ETV6: variants seen among roughly 807,000 people sequenced by gnomAD.
ETV6 encodes the protein ETS variant transcription factor 6.
In ETV6, 16 loss-of-function variants were observed where a neutral mutation model predicts 51.1. The observed-to-expected ratio is 0.31, with a 90% CI of 0.21 to 0.48. The LOEUF is 0.48. Among genes scored for constraint, ETV6 ranks in the 20% least tolerant of loss-of-function variants. ETV6 has a pLI of 0.99. For missense variants in ETV6, 458 were observed against 594.8 expected, an observed-to-expected ratio of 0.77 and a Z score of 2.39; for synonymous variants, 240 against 224.1, an observed-to-expected ratio of 1.07 and a Z score of -0.64.
chr12:11,846,583 A>G (rs1225858797), intron 3 of ETV6, among the ~76,000 whole-genome samples: 4 of 152,214 alleles, frequency 2.6e-5, no homozygotes, highest in African/African-American at 7.2e-5. Flanking sequence ...CAAATAGCCG[A>G]AGGAAACCAT....
intron 2 of ETV6, among the ~76,000 whole-genome samples, chr12:11,827,393 A>C (rs1176935793): frequency 6.6e-6 from 1 of 152,140 alleles, no homozygotes; most frequent in Non-Finnish European, 1.5e-5. Flanking sequence ...GGTGCAGTGG[A>C]ATTCTCCTTA....
intron 2 of ETV6, among the ~76,000 whole-genome samples, chr12:11,824,051 C>T (rs187276620): frequency 2.4e-4 from 37 of 152,256 alleles, no homozygotes; most frequent in Admixed American, 3.9e-4. Context: ...TAGGAGAACC[C>T]GAAGATTGGT....
chr12:11,735,921 G>A (rs1680861899), intron 1 of ETV6, among the ~76,000 whole-genome samples: 1 of 152,220 alleles, frequency 6.6e-6, no homozygotes, highest in Non-Finnish European at 1.5e-5. Context: ...TATTATGCAA[G>A]TTGTATAACA....
In ETV6 at chr12:11,892,210, ATTT is replaced by A. The variant is rs35812814; in HGVS notation, c.*1185_*1187del. ...GTGGTCAGTTTCATGCCCTCACCTG[ATTT>A]TTTTTTTTTTTTTTTTTTTTCAATT... On this transcript the variant is annotated 3_prime_UTR_variant, in exon 8 of 8. Transcript: ENST00000396373. 700 of 152,362 alleles carry A rather than the reference ATTT, an allele frequency of 4.6e-3. No individual in the cohort carries two copies. The highest frequency in any genetic ancestry group is 0.011 in the Middle Eastern group (6 of 524). The allele number at this position is 152,362 out of a possible 1,614,324, so 9.4% of individuals were successfully genotyped here. A position where few individuals can be genotyped will look rare whatever the true frequency, so the allele number is the denominator to read the frequency against.
At chr12:11,784,742 C>G (rs1161516024) in intron 2 of ETV6, among the ~76,000 whole-genome samples, 3 of 152,000 alleles carry the variant, frequency 2.0e-5, no homozygotes, top group East Asian at 3.9e-4. Context: ...GCTCTTGCCT[C>G]GGCTGGAGTG....
intron 1 of ETV6, among the ~76,000 whole-genome samples, chr12:11,673,912 A>G (rs945301866): frequency 2.0e-5 from 3 of 152,248 alleles, no homozygotes; most frequent in African/African-American, 4.8e-5. Flanking sequence ...AACAAAACTC[A>G]GGAATGGAAT....
At chr12:11,861,982 C>T (rs1002153568) in intron 4 of ETV6, among the ~76,000 whole-genome samples, 22 of 152,264 alleles carry the variant, frequency 1.4e-4, no homozygotes, top group African/African-American at 4.3e-4. Context: ...TCTGCAGCCC[C>T]GACTGTGAGG....
chr12:11,891,359 TTTTG>T lies in ETV6; in HGVS notation c.*317_*320del, dbSNP rs1947284659. On this transcript the variant is annotated 3_prime_UTR_variant, in exon 8 of 8. Coordinates refer to ENST00000396373, the MANE Select transcript of ETV6 (RefSeq NM_001987.5). ...TCCACCGTTGTTAGTATCATGGTGTTTTTGTTTTTGTTTTTGTTTTAAGAACCTG... is the reference window on the plus strand; with the variant it reads ...TCCACCGTTGTTAGTATCATGGTGTTTTTTTGTTTTTGTTTTAAGAACCTG... 1 of 345,716 alleles carries T rather than the reference TTTTG, an allele frequency of 2.9e-6. No individual in the cohort carries two copies. Among genetic ancestry groups the T allele is most frequent in the Admixed American group, 4.6e-5 (1 of 21,954 alleles). The allele number at this position is 345,716 out of a possible 1,614,324, so 21.4% of individuals were successfully genotyped here.
chr12:11,714,748 C>T (rs549023499), intron 1 of ETV6, among the ~76,000 whole-genome samples: 115 of 150,484 alleles, frequency 7.6e-4, no homozygotes, highest in African/African-American at 2.7e-3. Context: ...CTGTTTCAGA[C>T]TGAGGGGAGG....
intron 1 of ETV6, among the ~76,000 whole-genome samples, chr12:11,690,280 G>A (rs1008617080): frequency 4.0e-5 from 6 of 151,748 alleles, no homozygotes; most frequent in Non-Finnish European, 4.4e-5. Context: ...CCTTCCTCAC[G>A]TCCTTACAAG....
intron 1 of ETV6, among the ~76,000 whole-genome samples, chr12:11,744,134 A>G (rs1360483386): frequency 1.3e-5 from 2 of 152,176 alleles, no homozygotes; most frequent in Non-Finnish European, 2.9e-5. Context: ...GCAATAGTAC[A>G]TGCCTGGAAG....
chr12:11,862,225 C>G (rs1025865698), intron 4 of ETV6, among the ~76,000 whole-genome samples: 2 of 152,146 alleles, frequency 1.3e-5, no homozygotes, highest in African/African-American at 4.8e-5. Context: ...GTGAATCATC[C>G]ACTCCAAACT....
chr12:11,887,664 C>T (rs1473025760), intron 7 of ETV6, among the ~76,000 whole-genome samples: 1 of 151,340 alleles, frequency 6.6e-6, no homozygotes, highest in Non-Finnish European at 1.5e-5. Flanking sequence ...AGGAGAATCA[C>T]TTGAACCCGG....
At chr12:11,738,773 T>C (rs1184874401) in intron 1 of ETV6, among the ~76,000 whole-genome samples, 3 of 152,302 alleles carry the variant, frequency 2.0e-5, no homozygotes, top group East Asian at 3.9e-4. Flanking sequence ...GACTCATCTT[T>C]CTTCTGAGGG....
At chr12:11,707,956 C>T (rs965227977) in intron 1 of ETV6, among the ~76,000 whole-genome samples, 9 of 152,330 alleles carry the variant, frequency 5.9e-5, no homozygotes, top group African/African-American at 2.2e-4. Context: ...TTAGCAGGAT[C>T]AATTTATAAG....
intron 2 of ETV6, among the ~76,000 whole-genome samples, chr12:11,796,256 C>T (rs758830386): frequency 2.0e-5 from 3 of 152,134 alleles, no homozygotes; most frequent in Non-Finnish European, 2.9e-5. Context: ...GAGCTTTAGG[C>T]TTTTCCTTTT....
At chr12:11,820,790 C>A (rs61921851) in intron 2 of ETV6, among the ~76,000 whole-genome samples, 8,447 of 152,132 alleles carry the variant, frequency 0.056, 288 homozygotes, top group Non-Finnish European at 0.082. Context: ...AGATAGGAAG[C>A]CACTGGGGGA....
At chr12:11,757,980 C>G (rs778454277) in intron 2 of ETV6, among the ~76,000 whole-genome samples, 1 of 152,162 alleles carries the variant, frequency 6.6e-6, no homozygotes, top group South Asian at 2.1e-4. Context: ...CTCCCTACAA[C>G]CAGAATGCCA....
chr12:11,785,125 G>C (rs999239965), intron 2 of ETV6, among the ~76,000 whole-genome samples: 25 of 151,940 alleles, frequency 1.6e-4, no homozygotes, highest in Admixed American at 1.6e-3. Flanking sequence ...GAGGGAGAGT[G>C]GGAGAAAGGA....
Sources: allele counts gnomAD v4.1 joint callset (sites outside exome capture counted in the v4.1 genomes callset), GRCh38; gene constraint gnomAD v4.1.1; transcripts MANE v1.5; gene names NCBI Gene and HGNC (gene_info 2026-07-23, HGNC 2026-07-21).